UGGT1: variants seen among roughly 807,000 people sequenced by gnomAD.
The protein encoded by UGGT1 is UDP-glucose:glycoprotein glucosyltransferase 1.
In UGGT1, 107 loss-of-function variants were observed where a neutral mutation model predicts 203.9. The observed-to-expected ratio is 0.52, with a 90% CI of 0.45 to 0.62. The LOEUF (loss-of-function observed/expected upper bound fraction) is 0.62, where lower values mean the gene tolerates loss of function less well. Among genes scored for constraint, UGGT1 ranks in the 20% least tolerant of loss-of-function variants. UGGT1 has a pLI of 0.00. For missense variants in UGGT1, 1,673 were observed against 1,867.2 expected, an observed-to-expected ratio of 0.90 and a Z score of 1.92; for synonymous variants, 628 against 653.5, an observed-to-expected ratio of 0.96 and a Z score of 0.59.
rs2104865158 is a variant in UGGT1 at position 128,194,643 on chromosome 2, TAATC to T, written c.*4904_*4907del. ...CACATTTTTGTGGGATGATTGGAGT[TAATC>T]AAATAAAGCTTGTCATGTGTGTAGT... is the stretch of plus-strand genomic sequence containing the variant. On this transcript the variant is annotated 3_prime_UTR_variant, in exon 41 of 41. Coordinates refer to ENST00000259253, the MANE Select transcript of UGGT1 (RefSeq NM_020120.4). 6.6e-6 allele frequency: 1 copy of T among 152,356 alleles called. No individual in the cohort carries two copies. The highest frequency in any genetic ancestry group is 2.1e-4 in the South Asian group (1 of 4,830). The allele number at this position is 152,356 out of a possible 1,614,324, so 9.4% of individuals were successfully genotyped here.
rs1692224573 is a variant in UGGT1, at chr2:128,190,808, A to G, written c.*1066A>G. The stretch of plus-strand genomic sequence containing the variant: ...GCCCTCAGATGTAAGACCAGAAATG[A>G]TTCTGCTTGTGGAACTCGTGGCTTT... On this transcript the variant is annotated 3_prime_UTR_variant, in exon 41 of 41. Coordinates refer to ENST00000259253, the MANE Select transcript of UGGT1 (RefSeq NM_020120.4). 1 of 152,210 alleles carries G rather than the reference A, an allele frequency of 6.6e-6. No individual in the cohort carries two copies. The highest frequency in any genetic ancestry group is 2.4e-5 in the African/African-American group (1 of 41,430). 9.4% of individuals were successfully genotyped at this position (152,210 alleles called of 1,614,324 possible). A position where few individuals can be genotyped will look rare whatever the true frequency, so the allele number is the denominator to read the frequency against.
At position 128,129,126 on chromosome 2, in the gene UGGT1, A is replaced by G. The variant is rs765049843; in HGVS notation, c.1324A>G (p.Ile442Val). ...TCTGCATAATGTTTTGAAGCTGAAC[A>G]TCCAGCCCTCTGAGGCAGACTATGC... The part of the protein sequence containing the change: ...LSLHNVLKLN[I>V]QPSEADYAVD... Residue 442 changes from isoleucine to valine, a missense_variant, in exon 13 of 41, where the codon ATC (isoleucine) becomes GTC (valine). Physicochemically the swap from Ile to Val is conservative, Grantham distance 29. Coordinates refer to ENST00000259253, the MANE Select transcript of UGGT1 (RefSeq NM_020120.4). 1 of 1,614,114 alleles carries G rather than the reference A, an allele frequency of 6.2e-7. No individual in the cohort carries two copies. Among genetic ancestry groups the G allele is most frequent in the South Asian group, 1.1e-5 (1 of 91,074 alleles).
intron 5 of UGGT1, 121 bp from the exon 6 acceptor site, chr2:128,112,963 C>G: frequency 1.1e-6 from 1 of 870,872 alleles, no homozygotes. Context: ...TCATGCTACC[C>G]TTCATATTAA....
At chr2:128,096,419 C>T (rs941457153) in intron 1 of UGGT1, among the ~76,000 whole-genome samples, 1 of 152,196 alleles carries the variant, frequency 6.6e-6, no homozygotes, top group Non-Finnish European at 1.5e-5. Context: ...GACCACGTTC[C>T]CGCTGAAATC....
intron 18 of UGGT1, among the ~76,000 whole-genome samples, chr2:128,150,607 G>A (rs1490229588): frequency 6.7e-6 from 1 of 149,950 alleles, no homozygotes; most frequent in Non-Finnish European, 1.5e-5. Flanking sequence ...GCATGTGTGT[G>A]TATACAAGGG....
intron 26 of UGGT1, among the ~76,000 whole-genome samples, chr2:128,167,133 T>C (rs1690835626): frequency 6.6e-6 from 1 of 152,218 alleles, no homozygotes; most frequent in Admixed American, 6.5e-5. Context: ...TTTCAGGAAG[T>C]AACTCATTAG....
At chr2:128,120,106 G>A (rs1688306390) in intron 8 of UGGT1, among the ~76,000 whole-genome samples, 1 of 151,756 alleles carries the variant, frequency 6.6e-6, no homozygotes, top group South Asian at 2.1e-4. Context: ...ACCACTCTCA[G>A]TCTCCTTATC....
chr2:128,170,171 GTCT>G (rs775582691), intron 26 of UGGT1, 114 bp from the exon 27 acceptor site: 152 of 774,298 alleles, frequency 2.0e-4, no homozygotes, highest in Non-Finnish European at 2.9e-4. Context: ...TCATAGTCTA[GTCT>G]TTCTAGATCT....
intron 31 of UGGT1, among the ~76,000 whole-genome samples, chr2:128,175,667 A>G (rs1399054086): frequency 6.6e-6 from 1 of 152,136 alleles, no homozygotes; most frequent in Non-Finnish European, 1.5e-5. Flanking sequence ...CCCACATAAC[A>G]TTTTCCTCAG....
At chr2:128,142,797 A>C (rs528689932) in intron 16 of UGGT1, among the ~76,000 whole-genome samples, 1,520 of 151,304 alleles carry the variant, frequency 0.01, 14 homozygotes, top group Middle Eastern at 0.021. Flanking sequence ...AGCCTGGCCA[A>C]CATGGTGAAA....
intron 22 of UGGT1, 135 bp from the exon 23 acceptor site, chr2:128,159,379 A>G: frequency 3.7e-6 from 3 of 800,682 alleles, no homozygotes; most frequent in Non-Finnish European, 6.0e-6. Context: ...GATTACAGGC[A>G]TGAGCCACTG....
At chr2:128,187,389 A>T in intron 39 of UGGT1, 60 bp from the exon 40 acceptor site, 18 of 1,526,558 alleles carry the variant, frequency 1.2e-5, no homozygotes, top group Non-Finnish European at 1.6e-5. Context: ...AGAACCTTTG[A>T]ATTCTCTATC....
At chr2:128,145,360 C>T (rs1483310263) in intron 17 of UGGT1, among the ~76,000 whole-genome samples, 1 of 152,180 alleles carries the variant, frequency 6.6e-6, no homozygotes, top group African/African-American at 2.4e-5. Flanking sequence ...TCAGTAGTTA[C>T]ATGAGGTTAG....
chr2:128,174,175 A>G (rs759635501), intron 30 of UGGT1, among the ~76,000 whole-genome samples: 3 of 152,170 alleles, frequency 2.0e-5, no homozygotes, highest in Non-Finnish European at 2.9e-5. Context: ...CTGAAAATAG[A>G]TTGCTCATGA....
At chr2:128,164,595 C>A (rs1690690564) in intron 25 of UGGT1, 135 bp from the exon 26 acceptor site, 2 of 655,302 alleles carry the variant, frequency 3.1e-6, no homozygotes, top group Non-Finnish European at 5.4e-6. Context: ...CTTTCTCATG[C>A]CTATCAGTAC....
At chr2:128,187,172 G>A (rs2104841276) in intron 39 of UGGT1, 1 of 322,870 alleles carries the variant, frequency 3.1e-6, no homozygotes, top group Admixed American at 4.6e-5. Context: ...CTTACAATCT[G>A]CTGAGTCACT....
Position 128,155,601 on chromosome 2 carries a change from G to C in UGGT1, c.2236+14G>C. 6.3e-7 allele frequency: 1 copy of C among 1,591,066 alleles called. No individual in the cohort carries two copies. The highest frequency in any genetic ancestry group is 1.1e-5 in the South Asian group (1 of 87,664). On this transcript the variant is annotated intron_variant, in intron 20 of 40. Coordinates refer to ENST00000259253, the MANE Select transcript of UGGT1 (RefSeq NM_020120.4). Reference sequence around the variant, plus strand: ...TGACAAAGAAAGGTAATCCATTTGAGGCTTATTATCTTGCATTCAACATTT... The same window carrying C: ...TGACAAAGAAAGGTAATCCATTTGACGCTTATTATCTTGCATTCAACATTT...
At position 128,134,930 on chromosome 2, in the gene UGGT1, G is replaced by A; in HGVS notation, c.1552G>A (p.Glu518Lys). Residue 518 changes from glutamate (E) to lysine (K), a missense_variant, in exon 15 of 41, where the codon GAG becomes AAG. By Grantham distance (56) the Glu-to-Lys change is moderately conservative. Transcript: ENST00000259253. The part of the protein sequence containing the change: ...ETTAELMNTA[E>K]MFLSNHIPLR... Reference sequence around the variant, plus strand: ...CACAGCAGAGTTGATGAACACAGCTGAGATGTTCCTTAGTAATCATATACC... The same window carrying A: ...CACAGCAGAGTTGATGAACACAGCTAAGATGTTCCTTAGTAATCATATACC... The A allele has an allele frequency of 1.2e-6, 2 of 1,613,924 alleles. No individual in the cohort carries two copies. The highest frequency in any genetic ancestry group is 4.5e-5 in the East Asian group (2 of 44,864).
At chr2:128,128,312 TATC>T (rs1278493249) in intron 12 of UGGT1, among the ~76,000 whole-genome samples, 2 of 85,126 alleles carry the variant, frequency 2.3e-5, no homozygotes, top group Non-Finnish European at 5.2e-5. Context: ...CCTTCCTTTC[TATC>T]TTTTTTTTTT....
Sources: gnomAD v4.1 joint callset for allele counts (sites outside exome capture counted in the v4.1 genomes callset) on GRCh38, gnomAD v4.1.1 for gene constraint, MANE v1.5 for transcripts, NCBI Gene and HGNC (gene_info 2026-07-23, HGNC 2026-07-21) for gene names.